The following RBFOX1 variants were observed in gnomAD, a reference collection of about 807,000 sequenced individuals.
RBFOX1 encodes RNA binding fox-1 homolog 1.
Under a neutral mutation model 57.7 loss-of-function variants are expected in RBFOX1, and 8 were observed. The ratio of observed to expected loss-of-function variants is 0.14; its 90% confidence interval spans 0.08 to 0.25. The LOEUF (loss-of-function observed/expected upper bound fraction) is 0.25. Ranked by LOEUF, RBFOX1 falls within the 10% of genes least tolerant of loss-of-function variation. RBFOX1 has a pLI of 1.00. For missense variants in RBFOX1, 611 were observed against 548.5 expected (o/e 1.11, Z -1.14); for synonymous variants, 326 against 222.4 (o/e 1.47, Z -4.15).
At chr16:7,296,235 C>A (rs1307262336) in intron 4 of RBFOX1, among the ~76,000 whole-genome samples, 1 of 145,826 alleles carries the variant, frequency 6.9e-6, no homozygotes, top group African/African-American at 2.5e-5. Flanking sequence ...GAAGGACTGT[C>A]CTTTATTTTC....
chr16:7,093,251 T>C (rs867064488), intron 4 of RBFOX1, among the ~76,000 whole-genome samples: 10 of 152,352 alleles, frequency 6.6e-5, no homozygotes, highest in Middle Eastern at 3.4e-3. Context: ...CTCTGATTAC[T>C]GTGATGAAGG....
At chr16:6,822,628 T>A (rs980907078) in intron 3 of RBFOX1, among the ~76,000 whole-genome samples, 5 of 152,218 alleles carry the variant, frequency 3.3e-5, no homozygotes, top group Non-Finnish European at 7.3e-5. Context: ...ATGAAGCTGC[T>A]CATAAGGTAT....
At chr16:5,725,312 T>C (rs1003327412) in intron 3 of RBFOX1, among the ~76,000 whole-genome samples, 2 of 152,172 alleles carry the variant, frequency 1.3e-5, no homozygotes, top group African/African-American at 2.4e-5. Flanking sequence ...TATGAAGTCT[T>C]AGCTCACTGT....
chr16:6,627,403 G>C (rs1015576484), intron 2 of RBFOX1, among the ~76,000 whole-genome samples: 2 of 152,118 alleles, frequency 1.3e-5, no homozygotes, highest in Non-Finnish European at 2.9e-5. Context: ...AAGAGAGATG[G>C]AGAGAAAGAA....
chr16:7,695,552 C>G (rs897846194), intron 14 of RBFOX1, among the ~76,000 whole-genome samples: 2 of 150,210 alleles, frequency 1.3e-5, no homozygotes, highest in African/African-American at 4.9e-5. Flanking sequence ...ACTCAGGAGA[C>G]TGAGGCAGAG....
chr16:5,797,907 C>G (rs2054931896), intron 3 of RBFOX1, among the ~76,000 whole-genome samples: 1 of 152,156 alleles, frequency 6.6e-6, no homozygotes, highest in Non-Finnish European at 1.5e-5. Context: ...CGCACTCCAT[C>G]TGCTTGAGGT....
intron 2 of RBFOX1, among the ~76,000 whole-genome samples, chr16:5,549,584 T>C (rs2045373915): frequency 6.6e-6 from 1 of 152,210 alleles, no homozygotes; most frequent in Non-Finnish European, 1.5e-5. Context: ...AACTTGACTA[T>C]ACTATGCAGA....
chr16:5,431,331 A>G (rs2067727037), intron 1 of RBFOX1, among the ~76,000 whole-genome samples: 1 of 152,194 alleles, frequency 6.6e-6, no homozygotes, highest in Non-Finnish European at 1.5e-5. Context: ...TAAAATTTTA[A>G]AAGTTAGGGT....
chr16:6,950,181 C>CT (rs1382793078), intron 3 of RBFOX1, among the ~76,000 whole-genome samples: 1 of 145,818 alleles, frequency 6.9e-6, no homozygotes, highest in Non-Finnish European at 1.5e-5. Context: ...TGGTCTCAAA[C>CT]TCCTGACCTC....
chr16:6,911,619 T>C (rs2071622646), intron 3 of RBFOX1, among the ~76,000 whole-genome samples: 1 of 152,164 alleles, frequency 6.6e-6, no homozygotes, highest in African/African-American at 2.4e-5. Flanking sequence ...CCAAATCACG[T>C]CTCACAGATC....
chr16:7,626,352 G>C (rs775423965), intron 10 of RBFOX1, among the ~76,000 whole-genome samples: 1 of 152,168 alleles, frequency 6.6e-6, no homozygotes, highest in Non-Finnish European at 1.5e-5. Flanking sequence ...AAAGGGTTCC[G>C]ATGCCCCATC....
At position 6,366,241 on chromosome 16, in the gene RBFOX1, G is replaced by A. The variant is rs151179256; in HGVS notation, c.-64+49184G>A. Among the ~76,000 whole-genome samples the A allele has an allele frequency of 1.5e-3, 221 of 152,128 alleles. 2 individuals are homozygous for A. Among genetic ancestry groups the A allele is most frequent in the African/African-American group, 4.9e-3 (202 of 41,498 alleles). On this transcript the variant is annotated intron_variant, in intron 2 of 15. Transcript: ENST00000550418. ...TGCTGGAAGATATATGTCTTGATAT[G>A]TATATCTGGAAGGTATATATCTTGT...
intron 1 of RBFOX1, among the ~76,000 whole-genome samples, chr16:6,262,621 C>T (rs1483473527): frequency 6.6e-6 from 1 of 151,986 alleles, no homozygotes; most frequent in Non-Finnish European, 1.5e-5. Context: ...TATTTTCCCA[C>T]TTTCATTCGG....
At position 6,019,645 on chromosome 16, in the gene RBFOX1, A is replaced by C; in HGVS notation, c.-474A>C. 1.5e-6 allele frequency: 2 copies of C among 1,295,194 alleles called. No individual in the cohort carries two copies. Among genetic ancestry groups the C allele is most frequent in the South Asian group, 4.8e-5 (2 of 41,984 alleles). The allele number at this position is 1,295,194 out of a possible 1,614,324, so 80.2% of individuals were successfully genotyped here. A position where few individuals can be genotyped will look rare whatever the true frequency, so the allele number is the denominator to read the frequency against. ...CACCCCACATCTGGAGGGGACAGCC[A>C]GCCGTGGGCCCCGCCCCGGCGTCCG... is the stretch of plus-strand genomic sequence containing the variant. On this transcript the variant is annotated 5_prime_UTR_variant, in exon 1 of 16. Coordinates refer to ENST00000550418, the MANE Select transcript of RBFOX1 (RefSeq NM_018723.4). This position sits in a 1 kb window ranked among gnomAD's most constrained non-coding sequence, Gnocchi z 4.2.
intron 3 of RBFOX1, among the ~76,000 whole-genome samples, chr16:6,681,620 A>G (rs2058662857): frequency 6.6e-6 from 1 of 152,056 alleles, no homozygotes; most frequent in Non-Finnish European, 1.5e-5. Flanking sequence ...CAAAGAAATA[A>G]GCAATAACAT....
chr16:7,700,238 G>A (rs1247667053), intron 14 of RBFOX1, among the ~76,000 whole-genome samples: 1 of 152,142 alleles, frequency 6.6e-6, no homozygotes. Context: ...GGCAATAGCT[G>A]CAGTCCTCTC....
intron 4 of RBFOX1, among the ~76,000 whole-genome samples, chr16:5,981,719 T>TCA (rs1292976477): frequency 6.6e-6 from 1 of 152,128 alleles, no homozygotes; most frequent in Non-Finnish European, 1.5e-5. Flanking sequence ...TCCACCTGCC[T>TCA]CACCCTCCCA....
At chr16:6,387,518 A>C (rs893479848) in intron 2 of RBFOX1, among the ~76,000 whole-genome samples, 6 of 152,028 alleles carry the variant, frequency 3.9e-5, no homozygotes, top group Non-Finnish European at 8.8e-5. Flanking sequence ...AAAAAAATGA[A>C]GCCATTAGCG....
chr16:6,790,184 T>TTATTAG lies in RBFOX1; in HGVS notation c.-16+135539_-16+135540insGTATTA, dbSNP rs572014203. Reference sequence around the variant, plus strand: ...TTATTTTATTCTATTATTATTATTATTATTATTATTATTATTTTATGACAG... The same window carrying TTATTAG: ...TTATTTTATTCTATTATTATTATTATTATTAGTATTATTATTATTATTTTATGACAG... On this transcript the variant is annotated intron_variant, in intron 3 of 15. Transcript: ENST00000550418. 3.7e-3 allele frequency among the ~76,000 whole-genome samples: 551 copies of TTATTAG among 147,164 alleles called. 2 individuals carry two copies. Among genetic ancestry groups the TTATTAG allele is most frequent in the African/African-American group, 0.013 (512 of 40,162 alleles).
Sources: allele counts gnomAD v4.1 joint callset (sites outside exome capture counted in the v4.1 genomes callset), GRCh38; gene constraint gnomAD v4.1.1; non-coding constraint Gnocchi (gnomAD v3.1); transcripts MANE v1.5; gene names NCBI Gene and HGNC (gene_info 2026-07-23, HGNC 2026-07-21).